Variants in GPSM2 observed in about 807,000 individuals in gnomAD.
GPSM2 encodes the protein G protein-signaling modulator 2.
Under a neutral mutation model 78.4 loss-of-function variants are expected in GPSM2, and 58 were observed. The ratio of observed to expected loss-of-function variants is 0.74; its 90% confidence interval spans 0.60 to 0.92. The LOEUF (loss-of-function observed/expected upper bound fraction) is 0.92, where lower values mean the gene tolerates loss of function less well. GPSM2 is among the 40% of genes least tolerant of loss of function. The probability of loss-of-function intolerance (pLI) is 0.00; values close to 1 mark genes in which losing one functional copy is unlikely to be tolerated. For missense variants in GPSM2, 700 were observed against 815.5 expected (o/e 0.86, Z 1.73); for synonymous variants, 224 against 280.2 (o/e 0.80, Z 2.00).
At chr1:108,911,573 AG>A (rs1466397482) in intron 10 of GPSM2, among the ~76,000 whole-genome samples, 1 of 152,166 alleles carries the variant, frequency 6.6e-6, no homozygotes, top group Non-Finnish European at 1.5e-5. Context: ...AAGTAAATGA[AG>A]AAGGTCACTT....
rs145026004 is a variant in GPSM2, at chr1:108,881,858, A to T, written c.-248-3417A>T. ...TATTCGTTAATTTGTGAAACATGTA[A>T]ATGCTACATGTTTACATCTTAAGGA... On this transcript the variant is annotated intron_variant, in intron 1 of 14. Transcript: ENST00000264126. 8.6e-3 allele frequency among the ~76,000 whole-genome samples: 1,311 copies of T among 152,312 alleles called. 11 individuals carry two copies. Among genetic ancestry groups the T allele is most frequent in the African/African-American group, 0.03 (1,248 of 41,570 alleles).
At chr1:108,905,668 C>T (rs1329658093) in intron 10 of GPSM2, among the ~76,000 whole-genome samples, 2 of 152,076 alleles carry the variant, frequency 1.3e-5, no homozygotes, top group Non-Finnish European at 2.9e-5. Context: ...TACCTTCTTT[C>T]CCTCCCTATT....
chr1:108,910,842 G>A (rs1413231066), intron 10 of GPSM2, among the ~76,000 whole-genome samples: 4 of 149,096 alleles, frequency 2.7e-5, no homozygotes. Context: ...CAGCCTGGGC[G>A]ACAGAGAGAG....
intron 14 of GPSM2, 92 bp downstream of exon 14, chr1:108,924,306 T>G (rs553028448): frequency 1.2e-6 from 1 of 811,524 alleles, no homozygotes; most frequent in Admixed American, 2.0e-5. Context: ...AAGGGCTTAT[T>G]TTGTATTAGA....
chr1:108,917,341 G>T (rs1250637846), intron 11 of GPSM2, among the ~76,000 whole-genome samples: 2 of 151,772 alleles, frequency 1.3e-5, no homozygotes, highest in Non-Finnish European at 2.9e-5. Flanking sequence ...GCCGAGGCGG[G>T]TGGATCACGA....
At chr1:108,920,716 A>G (rs1486537632) in intron 12 of GPSM2, among the ~76,000 whole-genome samples, 1 of 152,122 alleles carries the variant, frequency 6.6e-6, no homozygotes, top group African/African-American at 2.4e-5. Flanking sequence ...AGGAAAAATT[A>G]TGGGGTATAT....
chr1:108,903,008 G>T, intron 8 of GPSM2, 118 bp from the exon 9 acceptor site: 1 of 688,920 alleles, frequency 1.5e-6, no homozygotes. Context: ...TTATTTATAT[G>T]AAAGACCAAA....
rs183391460 is a variant in GPSM2 at position 108,890,670 on chromosome 1, C to G, written c.56+5092C>G. On this transcript the variant is annotated intron_variant, in intron 2 of 14. Coordinates refer to ENST00000264126, the MANE Select transcript of GPSM2 (RefSeq NM_013296.5). ...AAGTTATTCTTCTGCTATAGTAAAT[C>G]CTTATGAAATGTTTTATCCATCTGG... is the stretch of plus-strand genomic sequence containing the variant. Among the ~76,000 whole-genome samples, 5 of 152,282 alleles carry G rather than the reference C, an allele frequency of 3.3e-5. No individual in the cohort carries two copies. The East Asian group carries it at 9.6e-4, about 29-fold the overall frequency.
chr1:108,919,499 T>C (rs1048228987), intron 12 of GPSM2, among the ~76,000 whole-genome samples: 1 of 152,168 alleles, frequency 6.6e-6, no homozygotes, highest in Non-Finnish European at 1.5e-5. Context: ...AATCACATTA[T>C]TGAAACTACA....
Position 108,904,153 on chromosome 1 carries a change from C to T in GPSM2, c.1091C>T (p.Ala364Val). 6.3e-7 allele frequency: 1 copy of T among 1,599,768 alleles called. No homozygotes were observed. The highest frequency in any genetic ancestry group is 8.6e-7 in the Non-Finnish European group (1 of 1,167,656). ...EVGDKSGELT[A>V]RLNLSDLQMV... is the part of the protein sequence containing the mutation. ...GGGGATAAAAGTGGTGAACTAACAG[C>T]ACGACTTAATCTCTCAGACCTTCAA... is the stretch of plus-strand genomic sequence containing the variant. The change falls in exon 10 of 15, where the codon GCA (alanine) becomes GTA (valine). Residue 364 changes from alanine to valine, a missense_variant. By Grantham distance (64) the Ala-to-Val change is moderately conservative (BLOSUM62 0). Transcript: ENST00000264126.
At chr1:108,879,282 CGTCATAATTCCT>C (rs1665777790) in intron 1 of GPSM2, among the ~76,000 whole-genome samples, 1 of 152,128 alleles carries the variant, frequency 6.6e-6, no homozygotes. Context: ...TCTTTGGCCT[CGTCATAATTCCT>C]GTCTTCTTCC....
rs338490 is a variant in GPSM2 at position 108,902,176 on chromosome 1, A to G, written c.953+231A>G. ...GATCAATGACTAGGTCCCAAACTCA[A>G]TTACCTCTTCAGAAGTCTTCCTGGT... On this transcript the variant is annotated intron_variant, in intron 8 of 14. Transcript: ENST00000264126. 0.019 allele frequency among the ~76,000 whole-genome samples: 2,929 copies of G among 152,054 alleles called. 108 individuals carry two copies. Among genetic ancestry groups the G allele is most frequent in the African/African-American group, 0.065 (2,714 of 41,476 alleles).
chr1:108,901,095 T>A (rs1479906117), intron 7 of GPSM2, among the ~76,000 whole-genome samples: 1 of 152,176 alleles, frequency 6.6e-6, no homozygotes, highest in Non-Finnish European at 1.5e-5. Context: ...TCCTTCGAGA[T>A]ATTTCCCCCA....
intron 5 of GPSM2, 107 bp from the exon 6 acceptor site, chr1:108,898,535 G>A (rs1441791503): frequency 8.9e-6 from 9 of 1,005,682 alleles, no homozygotes; most frequent in African/African-American, 8.0e-5. Flanking sequence ...CATTATGGCT[G>A]TAAGCTTCCC....
In GPSM2 at chr1:108,896,845, G is replaced by A. The variant is rs1387735180; in HGVS notation, c.57-19G>A. ...GCTGTAATGTTATGTTTAAATGTCT[G>A]TCCTGTATAATTTTGTAGAATGGAA... On this transcript the variant is annotated intron_variant, in intron 2 of 14. Transcript: ENST00000264126. 1 of 1,532,216 alleles carries A rather than the reference G, an allele frequency of 6.5e-7. No homozygotes were observed. The highest frequency in any genetic ancestry group is 9.0e-7 in the Non-Finnish European group (1 of 1,105,098). 94.9% of individuals were successfully genotyped at this position (1,532,216 alleles called of 1,614,324 possible).
At chr1:108,914,207 C>T (rs1041478414) in intron 10 of GPSM2, 131 bp from the exon 11 acceptor site, 4 of 643,814 alleles carry the variant, frequency 6.2e-6, no homozygotes, top group Non-Finnish European at 8.5e-6. Context: ...TGGAAGAATA[C>T]ATATTTGTAC....
chr1:108,917,383 T>G (rs923883658), intron 11 of GPSM2, among the ~76,000 whole-genome samples: 21 of 151,126 alleles, frequency 1.4e-4, no homozygotes, highest in African/African-American at 5.1e-4. Context: ...CTGGCCAACA[T>G]GGTGAAACCC....
At chr1:108,886,319 T>C (rs1647547298) in intron 2 of GPSM2, among the ~76,000 whole-genome samples, 1 of 152,312 alleles carries the variant, frequency 6.6e-6, no homozygotes, top group Non-Finnish European at 1.5e-5. Flanking sequence ...TCAAAAGAAA[T>C]GTCATTTTTA....
At position 108,914,427 on chromosome 1, in the gene GPSM2, G is replaced by T. The variant is rs201146412; in HGVS notation, c.1263+19G>T. 6.3e-5 allele frequency: 95 copies of T among 1,504,120 alleles called. 1 individual carries two copies. The highest frequency in any genetic ancestry group is 5.6e-4 in the East Asian group (25 of 44,314). The allele number at this position is 1,504,120 out of a possible 1,614,324, so 93.2% of individuals were successfully genotyped here. On this transcript the variant is annotated intron_variant, in intron 11 of 14. Transcript: ENST00000264126. ...AGAAAAGGTGGGTGGCAGGTTTTAT[G>T]TTTTAAATTTCATGAACTATTATAA...
Sources: allele counts gnomAD v4.1 joint callset (sites outside exome capture counted in the v4.1 genomes callset), GRCh38; gene constraint gnomAD v4.1.1; transcripts MANE v1.5; gene names NCBI Gene and HGNC (gene_info 2026-07-23, HGNC 2026-07-21).